TTBK2: variants seen among roughly 807,000 people sequenced by gnomAD.
TTBK2 encodes tau tubulin kinase 2, also known as tau-tubulin kinase 2.
In TTBK2, 28 loss-of-function variants were observed where a neutral mutation model predicts 110.8. The ratio of observed to expected loss-of-function variants is 0.25; its 90% CI spans 0.19 to 0.35. TTBK2 has a LOEUF of 0.35. TTBK2 is among the 10% of genes least tolerant of loss of function. The pLI, the probability that TTBK2 is intolerant of heterozygous loss-of-function variation, is 1.00. For synonymous variants in TTBK2, 532 were observed against 527.3 expected (o/e 1.01, Z -0.12); for missense variants, 1,369 against 1,500.3 (o/e 0.91, Z 1.45).
At chr15:42,845,568 G>C (rs924236727) in intron 3 of TTBK2, among the ~76,000 whole-genome samples, 1 of 149,380 alleles carries the variant, frequency 6.7e-6, no homozygotes, top group Non-Finnish European at 1.5e-5. Context: ...TGGGAGGCGG[G>C]GGTTGCAGTG....
chr15:42,746,154 T>A lies in TTBK2; in HGVS notation c.3376A>T (p.Thr1126Ser). 4.3e-6 allele frequency: 7 copies of A among 1,614,064 alleles called. No individual in the cohort carries two copies. Among genetic ancestry groups the A allele is most frequent in the Non-Finnish European group, 5.9e-6 (7 of 1,179,992 alleles). ...QNGSQKPRST[T>S]QCKSPGSPHN... Reference sequence around the variant, plus strand: ...GGAGATCCTGGACTCTTGCACTGAGTAGTGCTCCGGGGTTTCTGAGATCCA... The same window carrying A: ...GGAGATCCTGGACTCTTGCACTGAGAAGTGCTCCGGGGTTTCTGAGATCCA... Residue 1126 changes from threonine (T) to serine (S), a missense_variant, in exon 15 of 15, where the codon ACT becomes TCT. Physicochemically the swap from Thr to Ser is moderately conservative, Grantham distance 58. Around this residue, in one of 4 missense-constraint regions of TTBK2, gnomAD observed 1,097 missense variants for 1,114.7 expected, o/e 0.98. Transcript: ENST00000267890.
At chr15:42,801,426 A>G (rs760431712) in intron 9 of TTBK2, 2 of 1,002,966 alleles carry the variant, frequency 2.0e-6, no homozygotes, top group South Asian at 2.5e-5. Flanking sequence ...GCCTCCAGGG[A>G]AGCCCTCTGG....
chr15:42,898,114 C>A (rs1222544262), intron 1 of TTBK2, among the ~76,000 whole-genome samples: 1 of 152,146 alleles, frequency 6.6e-6, no homozygotes, highest in Non-Finnish European at 1.5e-5. Context: ...TCGAGGCTAA[C>A]TGCTTATGAC....
At chr15:42,881,857 C>T (rs550381158) in intron 1 of TTBK2, among the ~76,000 whole-genome samples, 111 of 150,468 alleles carry the variant, frequency 7.4e-4, no homozygotes, top group Non-Finnish European at 1.4e-3. Context: ...GGCAACAGAA[C>T]GAGACTCTGT....
intron 11 of TTBK2, among the ~76,000 whole-genome samples, chr15:42,781,677 T>C (rs1816838981): frequency 6.6e-6 from 1 of 152,170 alleles, no homozygotes; most frequent in Admixed American, 6.5e-5. Flanking sequence ...TTTCCAAGTG[T>C]TTAGAGATTT....
intron 1 of TTBK2, among the ~76,000 whole-genome samples, chr15:42,884,236 G>A (rs1895159033): frequency 6.6e-6 from 1 of 152,138 alleles, no homozygotes; most frequent in South Asian, 2.1e-4. Context: ...ACAGAAAATT[G>A]TCAAGAATAC....
At position 42,835,769 on chromosome 15, in the gene TTBK2, T is replaced by C. The variant is rs113221348; in HGVS notation, c.291+4591A>G. Among the ~76,000 whole-genome samples, 1,080 of 148,010 alleles carry C rather than the reference T, an allele frequency of 7.3e-3. 15 individuals carry two copies. The highest frequency in any genetic ancestry group is 0.026 in the African/African-American group (1,022 of 39,468). On this transcript the variant is annotated intron_variant, in intron 4 of 14. Transcript: ENST00000267890. ...AAAGAGTTCTTGTCTTCTAGAAATG[T>C]ATATATAGATAAAATATGCCTTGGA...
At chr15:42,890,013 A>G in intron 1 of TTBK2, among the ~76,000 whole-genome samples, 1 of 152,222 alleles carries the variant, frequency 6.6e-6, no homozygotes, top group South Asian at 2.1e-4. Context: ...ACCTGCACGT[A>G]TATATCCAGA....
At chr15:42,751,160 AC>A (rs994667947) in intron 14 of TTBK2, among the ~76,000 whole-genome samples, 2 of 152,236 alleles carry the variant, frequency 1.3e-5, no homozygotes, top group Non-Finnish European at 2.9e-5. Flanking sequence ...AAAGGCAAAC[AC>A]ATGGACAGTT....
chr15:42,858,806 A>G (rs554550533), intron 3 of TTBK2, among the ~76,000 whole-genome samples: 5 of 152,308 alleles, frequency 3.3e-5, no homozygotes, highest in South Asian at 2.1e-4. Context: ...AACAAGCCCA[A>G]TACTTTAAAA....
intron 3 of TTBK2, among the ~76,000 whole-genome samples, chr15:42,852,869 A>T (rs1031144466): frequency 4.6e-5 from 7 of 152,208 alleles, no homozygotes; most frequent in African/African-American, 1.7e-4. Flanking sequence ...TGAAATAAAC[A>T]AAAGAGTAGA....
At position 42,739,276 on chromosome 15, in the gene TTBK2, AGAG is replaced by A. The variant is rs1422995287; in HGVS notation, c.*6516_*6518del. 1 of 152,360 alleles carries A rather than the reference AGAG, an allele frequency of 6.6e-6. No individual in the cohort carries two copies. The highest frequency in any genetic ancestry group is 1.5e-5 in the Non-Finnish European group (1 of 68,034). 9.4% of individuals were successfully genotyped at this position (152,360 alleles called of 1,614,324 possible). ...GTTTCTCATCTCTCTGATTTCAGGA[AGAG>A]GAGAAGAGAGGGAGAGAAAAGTGGA... On this transcript the variant is annotated 3_prime_UTR_variant, in exon 15 of 15. Transcript: ENST00000267890.
intron 2 of TTBK2, 113 bp from the exon 3 acceptor site, chr15:42,872,871 A>G: frequency 1.6e-6 from 2 of 1,262,394 alleles, no homozygotes; most frequent in Non-Finnish European, 2.2e-6. Flanking sequence ...TTTTTTGATA[A>G]AATATTTAAA....
chr15:42,862,079 T>C (rs1894179227), intron 3 of TTBK2, among the ~76,000 whole-genome samples: 1 of 151,894 alleles, frequency 6.6e-6, no homozygotes, highest in Non-Finnish European at 1.5e-5. Context: ...AGACTCAAAA[T>C]TGAATCAGTA....
rs1285431939 is a variant in TTBK2 at position 42,743,313 on chromosome 15, C to T, written c.*2482G>A. 1 of 152,166 alleles carries T rather than the reference C, an allele frequency of 6.6e-6. No homozygotes were observed. Among genetic ancestry groups the T allele is most frequent in the African/African-American group, 2.4e-5 (1 of 41,442 alleles). The allele number at this position is 152,166 out of a possible 1,614,324, so 9.4% of individuals were successfully genotyped here. On this transcript the variant is annotated 3_prime_UTR_variant, in exon 15 of 15. Transcript: ENST00000267890. ...GGAAGGAACCAAGAAAGAGAGAAAA[C>T]ATTCAGTTGCCACATTCCCATCACT... is the stretch of plus-strand genomic sequence containing the variant.
chr15:42,865,243 C>T (rs2141094407), intron 3 of TTBK2, among the ~76,000 whole-genome samples: 1 of 152,088 alleles, frequency 6.6e-6, no homozygotes, highest in East Asian at 1.9e-4. Context: ...GGAGTTAGAC[C>T]AGCCTGGCCA....
chr15:42,816,083 TAA>T (rs1491576786), intron 7 of TTBK2, among the ~76,000 whole-genome samples: 1,135 of 61,286 alleles, frequency 0.019, 46 homozygotes, highest in African/African-American at 0.075. Flanking sequence ...AATAAATAAA[TAA>T]ATATATATAT....
In TTBK2 at chr15:42,811,670, C is replaced by T; in HGVS notation, c.696+18G>A. The T allele has an allele frequency of 1.2e-6, 2 of 1,606,590 alleles. No homozygotes were observed. Among genetic ancestry groups the T allele is most frequent in the South Asian group, 2.2e-5 (2 of 90,898 alleles). On this transcript the variant is annotated intron_variant, in intron 8 of 14. Coordinates refer to ENST00000267890, the MANE Select transcript of TTBK2 (RefSeq NM_173500.4). The stretch of plus-strand genomic sequence containing the variant: ...TTATTTCTTCTACCACAATTGACAT[C>T]TCCATTCCCAAAATTACCTTGTCCT...
chr15:42,770,441 T>C (rs1404173326), intron 13 of TTBK2, among the ~76,000 whole-genome samples: 7 of 152,174 alleles, frequency 4.6e-5, no homozygotes, highest in African/African-American at 1.2e-4. Flanking sequence ...ACTCAACAAA[T>C]GTTGCACACA....
Sources: allele counts gnomAD v4.1 joint callset (sites outside exome capture counted in the v4.1 genomes callset), GRCh38; gene constraint gnomAD v4.1.1; regional missense constraint gnomAD v4.1.1; transcripts MANE v1.5; gene names NCBI Gene and HGNC (gene_info 2026-07-23, HGNC 2026-07-21).